Variants in CHRM2 observed in about 807,000 individuals in gnomAD.
The protein encoded by CHRM2 is muscarinic acetylcholine receptor M2.
CHRM2 carries 8 observed loss-of-function variants against 25.0 expected under a neutral mutation model. The observed-to-expected ratio is 0.32, with a 90% CI of 0.19 to 0.58. The LOEUF (loss-of-function observed/expected upper bound fraction) is 0.58. Among genes scored for constraint, CHRM2 ranks in the 20% least tolerant of loss-of-function variants. The probability of loss-of-function intolerance (pLI) is 0.88; values close to 1 mark genes in which losing one functional copy is unlikely to be tolerated. For synonymous variants in CHRM2, 202 were observed against 205.7 expected (o/e 0.98, Z 0.15); for missense variants, 440 against 567.1 (o/e 0.78, Z 2.28).
At chr7:136,902,338 G>A (rs1225886756) in intron 2 of CHRM2, 1 of 151,850 alleles carries the variant, frequency 6.6e-6, no homozygotes, top group African/African-American at 2.4e-5. Flanking sequence ...TTAATAATTG[G>A]TATAAATTTC....
chr7:136,948,083 TGCTGC>T (rs2130843808), intron 2 of CHRM2, among the ~76,000 whole-genome samples: 1 of 152,264 alleles, frequency 6.6e-6, no homozygotes, highest in Non-Finnish European at 1.5e-5. Flanking sequence ...CAGTTAACTG[TGCTGC>T]TGGAGTATCT....
chr7:136,872,745 G>A (rs1219733996), intron 2 of CHRM2, among the ~76,000 whole-genome samples: 1 of 152,156 alleles, frequency 6.6e-6, no homozygotes, highest in Non-Finnish European at 1.5e-5. Context: ...GTTAAAACAA[G>A]TACAAAAGAG....
At chr7:136,870,994 C>T (rs1795807533) in intron 2 of CHRM2, 1 of 152,604 alleles carries the variant, frequency 6.6e-6, no homozygotes, top group African/African-American at 2.4e-5. Context: ...ATTTGCCCAT[C>T]CCCTAGTACA....
intron 2 of CHRM2, among the ~76,000 whole-genome samples, chr7:136,942,711 A>G (rs1033595735): frequency 6.6e-6 from 1 of 152,150 alleles, no homozygotes; most frequent in Non-Finnish European, 1.5e-5. Flanking sequence ...TTCTGTGGTG[A>G]AGAGGAAAGC....
intron 2 of CHRM2, among the ~76,000 whole-genome samples, chr7:136,876,329 A>G (rs1796051882): frequency 6.6e-6 from 1 of 152,182 alleles, no homozygotes; most frequent in Admixed American, 6.5e-5. Flanking sequence ...TTAGGGATAC[A>G]GATGACGTGA....
intron 2 of CHRM2, among the ~76,000 whole-genome samples, chr7:136,982,400 T>C (rs1416126410): frequency 6.6e-6 from 1 of 152,296 alleles, no homozygotes; most frequent in East Asian, 1.9e-4. Flanking sequence ...TTTATCCAAT[T>C]TGCCAGTCTG....
At chr7:136,973,900 T>C (rs1314618303) in intron 2 of CHRM2, among the ~76,000 whole-genome samples, 1 of 152,140 alleles carries the variant, frequency 6.6e-6, no homozygotes, top group Non-Finnish European at 1.5e-5. Context: ...GTAATGATTA[T>C]TTAACAGTCT....
At chr7:136,990,167 A>G (rs1269821420) in intron 2 of CHRM2, among the ~76,000 whole-genome samples, 5 of 152,122 alleles carry the variant, frequency 3.3e-5, no homozygotes, top group Non-Finnish European at 7.4e-5. Flanking sequence ...ACCATTTTCA[A>G]CATCCTCTAT....
chr7:136,909,993 A>AAC (rs945574584), intron 2 of CHRM2, among the ~76,000 whole-genome samples: 6 of 151,210 alleles, frequency 4.0e-5, no homozygotes, highest in East Asian at 2.0e-4. Context: ...CACCCCCCCC[A>AAC]ACACACACAC....
chr7:136,934,666 A>T (rs1028935055), intron 2 of CHRM2, among the ~76,000 whole-genome samples: 4 of 152,124 alleles, frequency 2.6e-5, no homozygotes, highest in African/African-American at 9.7e-5. Context: ...CCCAAAAAAG[A>T]TATTGGAAGG....
At chr7:136,985,135 A>G (rs1197925138) in intron 2 of CHRM2, among the ~76,000 whole-genome samples, 1 of 152,156 alleles carries the variant, frequency 6.6e-6, no homozygotes, top group Non-Finnish European at 1.5e-5. Context: ...AACACACAGC[A>G]CTGAGGTAAA....
At chr7:137,011,215 G>GTGTGTGTATATATATATATATATATATA in intron 3 of CHRM2, among the ~76,000 whole-genome samples, 1 of 134,286 alleles carries the variant, frequency 7.4e-6, no homozygotes, top group African/African-American at 3.2e-5. Context: ...GTGTGTGTGT[G>GTGTGTGTATATATATATATATATATATA]TATATATATA....
chr7:136,964,808 T>C (rs1801310820), intron 2 of CHRM2, among the ~76,000 whole-genome samples: 1 of 152,176 alleles, frequency 6.6e-6, no homozygotes, highest in African/African-American at 2.4e-5. Flanking sequence ...AACAACTACA[T>C]CTAATAAAAT....
chr7:136,974,181 C>A (rs1044900158), intron 2 of CHRM2, among the ~76,000 whole-genome samples: 7 of 152,148 alleles, frequency 4.6e-5, no homozygotes, highest in Non-Finnish European at 8.8e-5. Context: ...ACCAAGCACT[C>A]ATTACTGATT....
At position 136,868,746 on chromosome 7, in the gene CHRM2, GCACACA is replaced by G. The variant is rs35916399; in HGVS notation, c.-506_-501del. 15,933 of 149,490 alleles carry G rather than the reference GCACACA, an allele frequency of 0.11. 1,137 individuals are homozygous for G. Among genetic ancestry groups the G allele is most frequent in the African/African-American group, 0.19 (7,858 of 40,764 alleles). 9.3% of individuals were successfully genotyped at this position (149,490 alleles called of 1,614,324 possible). A position where few individuals can be genotyped will look rare whatever the true frequency, so the allele number is the denominator to read the frequency against. On this transcript the variant is annotated 5_prime_UTR_variant, in exon 1 of 4. Coordinates refer to ENST00000680005, the MANE Select transcript of CHRM2 (RefSeq NM_001006630.2). ...GCAAAGACCTAGGGAGCGCGCGCGGGCACACACACACACACACACACACACACAGAC... is the reference window on the plus strand; with the variant it reads ...GCAAAGACCTAGGGAGCGCGCGCGGGCACACACACACACACACACACAGAC...
chr7:136,903,958 G>T (rs956592621), intron 2 of CHRM2, among the ~76,000 whole-genome samples: 8 of 151,646 alleles, frequency 5.3e-5, no homozygotes, highest in South Asian at 4.1e-4. Context: ...CATGTTATTT[G>T]TTTTCCTGAT....
Position 136,992,196 on chromosome 7 carries a change from G to A in CHRM2, c.-115G>A, listed in dbSNP as rs953350340. The A allele has an allele frequency of 6.6e-6, 1 of 152,062 alleles. No individual in the cohort carries two copies. The highest frequency in any genetic ancestry group is 2.1e-4 in the South Asian group (1 of 4,824). 9.4% of individuals were successfully genotyped at this position (152,062 alleles called of 1,614,324 possible). A position where few individuals can be genotyped will look rare whatever the true frequency, so the allele number is the denominator to read the frequency against. On this transcript the variant is annotated 5_prime_UTR_variant, in exon 3 of 4. Coordinates refer to ENST00000680005, the MANE Select transcript of CHRM2 (RefSeq NM_001006630.2). The stretch of plus-strand genomic sequence containing the variant: ...TTCTCTTTTCTACCAGGTTGTTAGC[G>A]ACATGAGTACAGGGTCTGGATCTTA...
chr7:136,973,774 TTGA>T (rs1801937584), intron 2 of CHRM2, among the ~76,000 whole-genome samples: 1 of 151,550 alleles, frequency 6.6e-6, no homozygotes, highest in African/African-American at 2.4e-5. Flanking sequence ...GGTAATGGAG[TTGA>T]TGGTGGTGGG....
At chr7:136,938,841 AC>A (rs1338693067) in intron 2 of CHRM2, among the ~76,000 whole-genome samples, 2 of 134,158 alleles carry the variant, frequency 1.5e-5, no homozygotes, top group Admixed American at 8.7e-5. Context: ...CTACCTGGGG[AC>A]CCCCCTTGCC....
Sources: allele counts gnomAD v4.1 joint callset (sites outside exome capture counted in the v4.1 genomes callset), GRCh38; gene constraint gnomAD v4.1.1; transcripts MANE v1.5; gene names NCBI Gene and HGNC (gene_info 2026-07-23, HGNC 2026-07-21).